NSUN6: variants seen among roughly 807,000 people sequenced by gnomAD.
NSUN6 encodes the protein tRNA (cytosine(72)-C(5))-methyltransferase NSUN6.
A neutral mutation model predicts 58.0 loss-of-function variants in NSUN6; 64 were observed. That is an observed-to-expected ratio of 1.10 (90% confidence interval 0.90 to 1.36). The LOEUF is 1.36. NSUN6 is among the 40% of genes most tolerant of loss of function. The pLI is 0.00. For synonymous variants in NSUN6, 231 were observed against 193.9 expected (o/e 1.19, Z -1.59); for missense variants, 701 against 550.1 (o/e 1.27, Z -2.74).
intron 7 of NSUN6, among the ~76,000 whole-genome samples, chr10:18,591,972 T>G (rs2057394217): frequency 6.6e-6 from 1 of 152,028 alleles, no homozygotes; most frequent in South Asian, 2.1e-4. Flanking sequence ...GAAAACCCCA[T>G]CGTCTCAGCC....
chr10:18,565,822 C>CTCCATTCCATTCCATTG (rs1435502313), intron 8 of NSUN6, among the ~76,000 whole-genome samples: 1 of 147,892 alleles, frequency 6.8e-6, no homozygotes, highest in African/African-American at 2.5e-5. Flanking sequence ...CCATTCCATT[C>CTCCATTCCATTCCATTG]TCCATTCCAT....
In NSUN6 at chr10:18,600,403, C is replaced by T. The variant is rs180843320; in HGVS notation, c.658-4076G>A. 3.9e-3 allele frequency among the ~76,000 whole-genome samples: 586 copies of T among 151,908 alleles called. 4 individuals are homozygous for T. The highest frequency in any genetic ancestry group is 0.013 in the African/African-American group (533 of 41,438). ...ACTTTCAGAGGCCTAGGTCGGAGGA[C>T]CGCTTCAGGCCAGGGGTTCCAGACC... is the stretch of plus-strand genomic sequence containing the variant. On this transcript the variant is annotated intron_variant, in intron 6 of 10. Coordinates refer to ENST00000377304, the MANE Select transcript of NSUN6 (RefSeq NM_182543.5).
intron 3 of NSUN6, among the ~76,000 whole-genome samples, chr10:18,628,279 A>G (rs1327657489): frequency 4.6e-5 from 7 of 152,172 alleles, no homozygotes; most frequent in African/African-American, 1.7e-4. Flanking sequence ...AAAGACCAAA[A>G]GTAGATAAAA....
intron 7 of NSUN6, among the ~76,000 whole-genome samples, chr10:18,595,609 G>C (rs2057554153): frequency 6.6e-6 from 1 of 152,080 alleles, no homozygotes; most frequent in South Asian, 2.1e-4. Flanking sequence ...GGGCAAAGAA[G>C]AGTATAAATA....
chr10:18,629,075 C>A (rs1409421775), intron 3 of NSUN6, among the ~76,000 whole-genome samples: 2 of 152,120 alleles, frequency 1.3e-5, no homozygotes, highest in Admixed American at 6.6e-5. Context: ...ACTCTACAAG[C>A]CAGAAGAGAG....
At chr10:18,622,748 A>G (rs565130262) in intron 3 of NSUN6, among the ~76,000 whole-genome samples, 76 of 152,350 alleles carry the variant, frequency 5.0e-4, no homozygotes, top group African/African-American at 1.8e-3. Context: ...CTGAAAGAGA[A>G]GACAAATCCA....
chr10:18,611,090 G>C (rs2058216617), intron 5 of NSUN6, among the ~76,000 whole-genome samples: 1 of 151,936 alleles, frequency 6.6e-6, no homozygotes, highest in African/African-American at 2.4e-5. Context: ...TGGCTACTCG[G>C]GAGACTGAAA....
chr10:18,593,624 A>G (rs566038021), intron 7 of NSUN6, among the ~76,000 whole-genome samples: 3 of 152,110 alleles, frequency 2.0e-5, no homozygotes, highest in South Asian at 2.1e-4. Context: ...ACCAAACACC[A>G]CATGTTCTCA....
At chr10:18,562,418 AGAATGGAATGGAATGCG>A (rs1392192416) in intron 8 of NSUN6, among the ~76,000 whole-genome samples, 21 of 150,756 alleles carry the variant, frequency 1.4e-4, no homozygotes, top group African/African-American at 3.2e-4. Context: ...AATGGAATGG[AGAATGGAATGGAATGCG>A]GAATGGAATG....
At chr10:18,639,599 G>A (rs1285293879) in intron 3 of NSUN6, among the ~76,000 whole-genome samples, 2 of 152,160 alleles carry the variant, frequency 1.3e-5, no homozygotes, top group Non-Finnish European at 1.5e-5. Flanking sequence ...ATGAAAGGTG[G>A]GTATGTGAAT....
chr10:18,555,837 T>C (rs1158560546), intron 8 of NSUN6, among the ~76,000 whole-genome samples: 2 of 138,346 alleles, frequency 1.4e-5, no homozygotes, highest in Non-Finnish European at 3.1e-5. Flanking sequence ...TGAAATGGAA[T>C]GGAGAAAAAT....
Position 18,614,615 on chromosome 10 carries a change from T to G in NSUN6, c.422-2A>C, listed in dbSNP as rs749707258. ...AAATAACATCTCCAGCTTTCATAAC[T>G]AGAGAAAGAAGAAAATCAGATTACA... On this transcript the variant is annotated splice_acceptor_variant, in intron 4 of 10. Transcript: ENST00000377304. LOFTEE classifies it high-confidence loss of function. 4 of 1,363,960 alleles carry G rather than the reference T, an allele frequency of 2.9e-6. No homozygotes were observed. Among genetic ancestry groups the G allele is most frequent in the African/African-American group, 1.5e-5 (1 of 66,764 alleles). The allele number at this position is 1,363,960 out of a possible 1,614,324, so 84.5% of individuals were successfully genotyped here.
intron 6 of NSUN6, among the ~76,000 whole-genome samples, chr10:18,599,673 C>A (rs1210611001): frequency 6.6e-6 from 1 of 152,084 alleles, no homozygotes; most frequent in Admixed American, 6.6e-5. Flanking sequence ...AGGCTCTAAC[C>A]CAGACAAAGG....
At position 18,546,949 on chromosome 10, in the gene NSUN6, A is replaced by G. The variant is rs375228209; in HGVS notation, c.1198-804T>C. 9.9e-5 allele frequency among the ~76,000 whole-genome samples: 15 copies of G among 151,284 alleles called. No individual in the cohort carries two copies. The East Asian group carries it at 1.4e-3, about 14-fold the overall frequency. On this transcript the variant is annotated intron_variant, in intron 10 of 10. Transcript: ENST00000377304. ...ACGGGGAGGGGAAGAAGAAAAAGAAAAAGAAAAAAGAAAAAAGAAAAAAGA... is the reference window on the plus strand; with the variant it reads ...ACGGGGAGGGGAAGAAGAAAAAGAAGAAGAAAAAAGAAAAAAGAAAAAAGA...
At chr10:18,559,343 AT>A (rs1188453168) in intron 8 of NSUN6, among the ~76,000 whole-genome samples, 1 of 150,382 alleles carries the variant, frequency 6.6e-6, no homozygotes, top group Non-Finnish European at 1.5e-5. Context: ...TGGAGAATTG[AT>A]TGGAATGGAA....
At position 18,650,267 on chromosome 10, in the gene NSUN6, GA is replaced by G. The variant is rs541294190; in HGVS notation, c.75+861del. Among the ~76,000 whole-genome samples the G allele has an allele frequency of 2.0e-3, 289 of 147,958 alleles. 1 individual carries two copies. The highest frequency in any genetic ancestry group is 3.2e-3 in the Non-Finnish European group (211 of 66,974). On this transcript the variant is annotated intron_variant, in intron 1 of 10. Transcript: ENST00000377304. ...AACTTGACTAAAAAATTAAAGATTTGAAAAAAAACAAAGTTGCTTAGAGGCA... is the reference window on the plus strand; with the variant it reads ...AACTTGACTAAAAAATTAAAGATTTGAAAAAAACAAAGTTGCTTAGAGGCA...
At chr10:18,651,921 G>T, upstream of NSUN6, 1 of 985,432 alleles carries the variant, frequency 1.0e-6, no homozygotes, top group Non-Finnish European at 1.2e-6. Context: ...AAAAGGCACA[G>T]CCCAGTTGCT....
intron 2 of NSUN6, among the ~76,000 whole-genome samples, chr10:18,643,661 C>T (rs1396377370): frequency 6.6e-6 from 1 of 152,036 alleles, no homozygotes; most frequent in Non-Finnish European, 1.5e-5. Context: ...AATTCCACCT[C>T]AATCAATCAA....
At chr10:18,626,765 C>T (rs540533666) in intron 3 of NSUN6, among the ~76,000 whole-genome samples, 22 of 146,196 alleles carry the variant, frequency 1.5e-4, no homozygotes, top group African/African-American at 5.6e-4. Context: ...AAGACTCCGT[C>T]CTGGGTGGGG....
Sources: gnomAD v4.1 joint callset for allele counts (sites outside exome capture counted in the v4.1 genomes callset) on GRCh38, gnomAD v4.1.1 for gene constraint, MANE v1.5 for transcripts, NCBI Gene and HGNC (gene_info 2026-07-23, HGNC 2026-07-21) for gene names.